PCDH7: variants seen among roughly 807,000 people sequenced by gnomAD.
PCDH7 encodes the protein protocadherin 7.
PCDH7 carries 17 observed loss-of-function variants against 58.9 expected under a neutral mutation model. The observed-to-expected ratio is 0.29, with a 90% CI of 0.20 to 0.43. The LOEUF (loss-of-function observed/expected upper bound fraction) is 0.43. Among genes scored for constraint, PCDH7 ranks in the 20% least tolerant of loss-of-function variants. PCDH7 has a pLI of 1.00. For synonymous variants in PCDH7, 664 were observed against 616.4 expected (o/e 1.08, Z -1.14); for missense variants, 1,274 against 1,441.0 (o/e 0.88, Z 1.88).
chr4:30,756,978 C>A (rs927397060), intron 1 of PCDH7, among the ~76,000 whole-genome samples: 3 of 152,180 alleles, frequency 2.0e-5, no homozygotes, highest in Non-Finnish European at 4.4e-5. Flanking sequence ...GCTCTGCTCC[C>A]AGAGCTTACA....
intron 1 of PCDH7, among the ~76,000 whole-genome samples, chr4:30,839,305 C>T (rs1730915449): frequency 6.6e-6 from 1 of 152,010 alleles, no homozygotes. Context: ...GTCAAGCTGA[C>T]TTAAGTTCAG....
intron 1 of PCDH7, among the ~76,000 whole-genome samples, chr4:30,826,155 C>T (rs771231956): frequency 1.3e-5 from 2 of 152,134 alleles, no homozygotes; most frequent in Non-Finnish European, 2.9e-5. Flanking sequence ...CATTCGATAA[C>T]CTCATTAAAG....
At chr4:31,069,052 CGTGT>C (rs1215683112) in intron 3 of PCDH7, among the ~76,000 whole-genome samples, 1 of 151,356 alleles carries the variant, frequency 6.6e-6, no homozygotes, top group East Asian at 1.9e-4. Context: ...TGTGTGTGTG[CGTGT>C]GTGTGTGTAT....
intron 1 of PCDH7, among the ~76,000 whole-genome samples, chr4:30,835,566 T>A (rs1054162614): frequency 6.6e-6 from 1 of 152,000 alleles, no homozygotes; most frequent in Admixed American, 6.6e-5. Context: ...AGCTGAGAGA[T>A]CCAATCATAT....
At position 31,110,195 on chromosome 4, in the gene PCDH7, A is replaced by C. The variant is rs190584161; in HGVS notation, c.*8-32278A>C. Among the ~76,000 whole-genome samples, 206 of 152,336 alleles carry C rather than the reference A, an allele frequency of 1.4e-3. 1 individual carries two copies. The highest frequency in any genetic ancestry group is 4.7e-3 in the African/African-American group (196 of 41,584). ...GGAAATTGAAGAGTATTCTTGGGGC[A>C]TATTTAAGGCCATGTGTCTTATTAG... On this transcript the variant is annotated intron_variant, in intron 3 of 3. Transcript: ENST00000509759.
chr4:30,990,736 T>C (rs868434562), intron 3 of PCDH7, among the ~76,000 whole-genome samples: 2 of 152,250 alleles, frequency 1.3e-5, no homozygotes, highest in Non-Finnish European at 2.9e-5. Flanking sequence ...GCCTTCATCA[T>C]TGAAACCATT....
intron 2 of PCDH7, among the ~76,000 whole-genome samples, chr4:30,943,251 G>C (rs558843963): frequency 1.8e-4 from 27 of 151,832 alleles, no homozygotes; most frequent in Non-Finnish European, 3.7e-4. Context: ...TGCACCCTAA[G>C]CTCTCAGCAT....
chr4:30,869,622 T>A (rs1391215555), intron 1 of PCDH7, among the ~76,000 whole-genome samples: 1 of 152,210 alleles, frequency 6.6e-6, no homozygotes, highest in African/African-American at 2.4e-5. Flanking sequence ...CCCATCCTTT[T>A]TTATGGCTGC....
At chr4:30,897,321 G>T (rs1344920402) in intron 1 of PCDH7, among the ~76,000 whole-genome samples, 1 of 152,020 alleles carries the variant, frequency 6.6e-6, no homozygotes, top group Non-Finnish European at 1.5e-5. Flanking sequence ...CATTTGTTAC[G>T]TCACTCATTT....
chr4:30,891,993 A>T (rs1738676513), intron 1 of PCDH7, among the ~76,000 whole-genome samples: 1 of 151,970 alleles, frequency 6.6e-6, no homozygotes, highest in Admixed American at 6.6e-5. Flanking sequence ...GTCAAAAAAG[A>T]ATGAATGTTA....
intron 1 of PCDH7, among the ~76,000 whole-genome samples, chr4:30,740,857 T>C (rs1716974242): frequency 1.4e-5 from 2 of 144,854 alleles, no homozygotes; most frequent in South Asian, 4.4e-4. Context: ...ATTAAAAGCA[T>C]TTATATAAAT....
chr4:30,954,448 T>C lies in PCDH7; in HGVS notation c.*7+4233T>C, dbSNP rs1404752019. ...GTGGTACTGAACATTTCTTTGTACA[T>C]TGTATGAATATATGCACCTCCCTCT... On this transcript the variant is annotated intron_variant, in intron 3 of 3. Coordinates refer to the PCDH7 transcript ENST00000509759. Among the ~76,000 whole-genome samples the C allele has an allele frequency of 5.3e-5, 8 of 152,146 alleles. No individual in the cohort carries two copies. The East Asian group carries it at 1.5e-3, about 29-fold the overall frequency.
intron 1 of PCDH7, among the ~76,000 whole-genome samples, chr4:30,727,781 C>G (rs1375726535): frequency 6.6e-6 from 1 of 151,824 alleles, no homozygotes; most frequent in Non-Finnish European, 1.5e-5. Context: ...TGGTATTTTA[C>G]TATGTGCTAA....
At chr4:30,887,465 A>G (rs558188245) in intron 1 of PCDH7, among the ~76,000 whole-genome samples, 3 of 152,306 alleles carry the variant, frequency 2.0e-5, no homozygotes, top group Non-Finnish European at 2.9e-5. Flanking sequence ...TGAACTGTCT[A>G]TAATACAATG....
downstream of PCDH7, among the ~76,000 whole-genome samples, chr4:30,734,725 T>A (rs576978746): frequency 3.3e-5 from 5 of 152,060 alleles, no homozygotes; most frequent in East Asian, 9.7e-4. Flanking sequence ...CCCAGTAGAG[T>A]GCTGGGCTTA....
At chr4:30,940,192 A>AAT (rs1414250986) in intron 2 of PCDH7, among the ~76,000 whole-genome samples, 1 of 151,916 alleles carries the variant, frequency 6.6e-6, no homozygotes, top group African/African-American at 2.4e-5. Flanking sequence ...GTCTTCCAAG[A>AAT]ATTAGGTTTT....
At position 31,003,555 on chromosome 4, in the gene PCDH7, C is replaced by T. The variant is rs58128108; in HGVS notation, c.*7+53340C>T. Among the ~76,000 whole-genome samples, 96 of 152,094 alleles carry T rather than the reference C, an allele frequency of 6.3e-4. 1 individual carries two copies. In the East Asian group the frequency reaches 0.017, roughly 28 times the overall value. Reference sequence around the variant, plus strand: ...GCTCAGTATCCCTTATCTGAAAACCCCAAATCGGAACTGCTCCAAAGAGCA... The same window carrying T: ...GCTCAGTATCCCTTATCTGAAAACCTCAAATCGGAACTGCTCCAAAGAGCA... On this transcript the variant is annotated intron_variant, in intron 3 of 3. Coordinates refer to the PCDH7 transcript ENST00000509759.
At chr4:30,945,849 C>T (rs1013793487) in intron 2 of PCDH7, among the ~76,000 whole-genome samples, 1 of 152,148 alleles carries the variant, frequency 6.6e-6, no homozygotes, top group Non-Finnish European at 1.5e-5. Context: ...CAAGGCTGAT[C>T]TTAATTCCAT....
intron 1 of PCDH7, among the ~76,000 whole-genome samples, chr4:30,834,190 C>T (rs1005018091): frequency 6.6e-6 from 1 of 152,168 alleles, no homozygotes; most frequent in Admixed American, 6.5e-5. Flanking sequence ...TTCTAGGGCA[C>T]TGGCCTAGAA....
Sources: allele counts gnomAD v4.1 joint callset (sites outside exome capture counted in the v4.1 genomes callset), GRCh38; gene constraint gnomAD v4.1.1; transcripts MANE v1.5; gene names NCBI Gene and HGNC (gene_info 2026-07-23, HGNC 2026-07-21).